Variants in MAP1LC3B2 observed in about 807,000 individuals in gnomAD.
The protein encoded by MAP1LC3B2 is microtubule-associated protein 1 light chain 3 beta 2.
For synonymous variants in MAP1LC3B2, 62 were observed against 57.8 expected, an observed-to-expected ratio of 1.07 and a Z score of -0.33; for missense variants, 155 against 154.6, an observed-to-expected ratio of 1.00 and a Z score of -0.01.
In MAP1LC3B2 at chr12:116,576,076, C is replaced by T. The variant is rs757912630; in HGVS notation, c.134C>T (p.Pro45Leu). ...CGATACAAGGGTGAGAAGCAGCTTC[C>T]TGTTCTGGATAAAACAAAGTTCCTT... ...IERYKGEKQL[P>L]VLDKTKFLVP... Residue 45 changes from proline to leucine, a missense_variant, in exon 2 of 2, where the codon CCT becomes CTT. Pro to Leu is a moderately conservative substitution (Grantham distance 98). Transcript: ENST00000556529. 57 of 1,614,214 alleles carry T rather than the reference C, an allele frequency of 3.5e-5. No individual in the cohort carries two copies. The highest frequency in any genetic ancestry group is 4.7e-5 in the Non-Finnish European group (56 of 1,180,050).
At chr12:116,569,671 C>A (rs560520185) in intron 1 of MAP1LC3B2, among the ~76,000 whole-genome samples, 2 of 151,968 alleles carry the variant, frequency 1.3e-5, no homozygotes, top group Non-Finnish European at 2.9e-5. Flanking sequence ...AGTAGAATGG[C>A]GCTTATATAC....
At chr12:116,569,167 C>A (rs1231675883) in intron 1 of MAP1LC3B2, among the ~76,000 whole-genome samples, 3 of 152,132 alleles carry the variant, frequency 2.0e-5, no homozygotes, top group East Asian at 3.9e-4. Flanking sequence ...CGGCCAATTT[C>A]TTTTCTTTAT....
chr12:116,568,963 C>G (rs915281681), intron 1 of MAP1LC3B2, among the ~76,000 whole-genome samples: 4 of 151,318 alleles, frequency 2.6e-5, no homozygotes, highest in Non-Finnish European at 5.9e-5. Flanking sequence ...GGGTTCACGC[C>G]ATTCTCCTGC....
rs753684098 is a variant in MAP1LC3B2 at position 116,576,163 on chromosome 12, A to G, written c.221A>G (p.Asn74Ser). Residue 74 changes from asparagine (N) to serine (S), a missense_variant, in exon 2 of 2, where the codon AAT (asparagine) becomes AGT (serine). Physicochemically the swap from Asn to Ser is conservative, Grantham distance 46 (BLOSUM62 1). Coordinates refer to ENST00000556529, the MANE Select transcript of MAP1LC3B2 (RefSeq NM_001085481.3). The part of the protein sequence containing the change: ...IKIIRRRLQL[N>S]ANQAFFLLVN... ...ATAATTAGAAGGCGCTTACAGCTCA[A>G]TGCTAATCAGGCCTTCTTCCTGTTG... 18 of 1,614,042 alleles carry G rather than the reference A, an allele frequency of 1.1e-5. No homozygotes were observed. The highest frequency in any genetic ancestry group is 2.2e-5 in the East Asian group (1 of 44,900).
At chr12:116,569,073 AG>A (rs1457239824) in intron 1 of MAP1LC3B2, among the ~76,000 whole-genome samples, 1 of 152,028 alleles carries the variant, frequency 6.6e-6, no homozygotes, top group African/African-American at 2.4e-5. Context: ...GGTGTTAGCC[AG>A]GATGGTCTCG....
At chr12:116,560,228 A>ATATGTATGTATGTATATG (rs1555246749) in intron 1 of MAP1LC3B2, 5 of 111,490 alleles carry the variant, frequency 4.5e-5, no homozygotes, top group African/African-American at 1.8e-4. Flanking sequence ...ATATATATAT[A>ATATGTATGTATGTATATG]TATATATATA....
intron 1 of MAP1LC3B2, among the ~76,000 whole-genome samples, chr12:116,562,023 AGT>A (rs773862438): frequency 6.6e-5 from 6 of 91,182 alleles, no homozygotes; most frequent in Non-Finnish European, 1.5e-4. Flanking sequence ...AGACCTGACC[AGT>A]CAGACTCAGC....
rs71095564 is a variant in MAP1LC3B2 at position 116,571,458 on chromosome 12, C to CTT, written c.-101-4345_-101-4344dup. 1.4e-3 allele frequency among the ~76,000 whole-genome samples: 69 copies of CTT among 48,110 alleles called. 18 individuals are homozygous for CTT. The East Asian group carries it at 0.015, about 10-fold the overall frequency. 31.6% of individuals were successfully genotyped at this position (48,110 alleles called of 152,430 possible). Reference sequence around the variant, plus strand: ...TAGATGGGAGTAAGGGACTGCTGTTCTTTTTTTTTTTTTTTTTTTTTTTTT... The same window carrying CTT: ...TAGATGGGAGTAAGGGACTGCTGTTCTTTTTTTTTTTTTTTTTTTTTTTTTTT... On this transcript the variant is annotated intron_variant, in intron 1 of 1. Coordinates refer to ENST00000556529, the MANE Select transcript of MAP1LC3B2 (RefSeq NM_001085481.3).
chr12:116,564,295 T>C lies in MAP1LC3B2; in HGVS notation c.-102+4862T>C, dbSNP rs182271338. Reference sequence around the variant, plus strand: ...TGTCTAGTAAGTTTTCATTGGATGCTAGACAATGTAGATGCTGTGCAGCTG... The same window carrying C: ...TGTCTAGTAAGTTTTCATTGGATGCCAGACAATGTAGATGCTGTGCAGCTG... On this transcript the variant is annotated intron_variant, in intron 1 of 1. Coordinates refer to ENST00000556529, the MANE Select transcript of MAP1LC3B2 (RefSeq NM_001085481.3). 3.2e-3 allele frequency among the ~76,000 whole-genome samples: 491 copies of C among 152,364 alleles called. 12 individuals are homozygous for C. Among genetic ancestry groups the C allele is most frequent in the Admixed American group, 0.03 (453 of 15,304 alleles).
At position 116,560,201 on chromosome 12, in the gene MAP1LC3B2, T is replaced by TATAC. The variant is rs1257288011; in HGVS notation, c.-102+771_-102+772insCATA. ...AGCTAAGTTTGGCTATATATATATA[T>TATAC]ATATATATATATATATATATATATA... On this transcript the variant is annotated intron_variant, in intron 1 of 1. Coordinates refer to ENST00000556529, the MANE Select transcript of MAP1LC3B2 (RefSeq NM_001085481.3). 5.1e-4 allele frequency: 12 copies of TATAC among 23,526 alleles called. No individual in the cohort carries two copies. The South Asian group carries it at 0.011, about 23-fold the overall frequency. 1.5% of individuals were successfully genotyped at this position (23,526 alleles called of 1,614,324 possible). A position where few individuals can be genotyped will look rare whatever the true frequency, so the allele number is the denominator to read the frequency against.
rs35147598 is a variant in MAP1LC3B2, at chr12:116,571,965, CA to C, written c.-101-3866del. Reference sequence around the variant, plus strand: ...TTGTTTTCTATAGCTATGACCGTTACAAAAAAAAAAAGGGTTAGGGAGAAAC... The same window carrying C: ...TTGTTTTCTATAGCTATGACCGTTACAAAAAAAAAAGGGTTAGGGAGAAAC... On this transcript the variant is annotated intron_variant, in intron 1 of 1. Coordinates refer to ENST00000556529, the MANE Select transcript of MAP1LC3B2 (RefSeq NM_001085481.3). Among the ~76,000 whole-genome samples, 298 of 136,900 alleles carry C rather than the reference CA, an allele frequency of 2.2e-3. 1 individual carries two copies. The highest frequency in any genetic ancestry group is 6.4e-3 in the African/African-American group (236 of 37,030). 89.8% of individuals were successfully genotyped at this position (136,900 alleles called of 152,430 possible).
intron 1 of MAP1LC3B2, among the ~76,000 whole-genome samples, chr12:116,565,436 T>C (rs1271485273): frequency 6.6e-6 from 1 of 152,162 alleles, no homozygotes; most frequent in Non-Finnish European, 1.5e-5. Flanking sequence ...CATTCACACA[T>C]CTTATTCACT....
chr12:116,566,830 C>T (rs780447337), intron 1 of MAP1LC3B2, among the ~76,000 whole-genome samples: 13 of 144,018 alleles, frequency 9.0e-5, no homozygotes, highest in Non-Finnish European at 1.5e-4. Context: ...ACTCAGGAGG[C>T]GGAGGCAGGA....
intron 1 of MAP1LC3B2, among the ~76,000 whole-genome samples, chr12:116,570,282 G>A (rs946468998): frequency 7.9e-5 from 12 of 152,112 alleles, no homozygotes; most frequent in Non-Finnish European, 1.8e-4. Context: ...TGTACTTCAA[G>A]TACCCATACA....
intron 1 of MAP1LC3B2, among the ~76,000 whole-genome samples, chr12:116,562,540 G>A (rs750406907): frequency 5.3e-5 from 8 of 152,222 alleles, no homozygotes; most frequent in African/African-American, 4.8e-5. Context: ...AAGGTAGAAC[G>A]ATGATGTGCT....
rs200364642 is a variant in MAP1LC3B2 at position 116,576,300 on chromosome 12, G to A, written c.358G>A (p.Gly120Arg). 516 of 1,613,984 alleles carry A rather than the reference G, an allele frequency of 3.2e-4. 2 individuals are homozygous for A. The highest frequency in any genetic ancestry group is 4.0e-4 in the Non-Finnish European group (472 of 1,179,988). ...GGTCTGTGCCTCCCAGGAGACGTTCGGGATGAAATTGTCAGTGTAAAACCA... is the reference window on the plus strand; with the variant it reads ...GGTCTGTGCCTCCCAGGAGACGTTCAGGATGAAATTGTCAGTGTAAAACCA... ...YMVCASQETF[G>R]MKLSV Residue 120 changes from glycine (G) to arginine (R), a missense_variant, in exon 2 of 2, where the codon GGG becomes AGG. Gly to Arg is a moderately radical substitution (Grantham distance 125). Coordinates refer to ENST00000556529, the MANE Select transcript of MAP1LC3B2 (RefSeq NM_001085481.3).
At position 116,569,792 on chromosome 12, in the gene MAP1LC3B2, G is replaced by A. The variant is rs530578229; in HGVS notation, c.-101-6050G>A. 1.1e-4 allele frequency among the ~76,000 whole-genome samples: 16 copies of A among 152,180 alleles called. No individual in the cohort carries two copies. In the South Asian group the frequency reaches 2.1e-3, roughly 20 times the overall value. ...GATAACAGGCCAGGCATGGTGGCTC[G>A]CTCCTGTAATCCCAGCACTCTGGCA... On this transcript the variant is annotated intron_variant, in intron 1 of 1. Transcript: ENST00000556529.
chr12:116,575,180 CA>C (rs112848522), intron 1 of MAP1LC3B2, among the ~76,000 whole-genome samples: 787 of 58,962 alleles, frequency 0.013, 2 homozygotes, highest in African/African-American at 0.023. Context: ...AACTCAGTCT[CA>C]AAAAAAAAAA....
intron 1 of MAP1LC3B2, among the ~76,000 whole-genome samples, chr12:116,565,470 C>A (rs1869364978): frequency 6.6e-6 from 1 of 152,206 alleles, no homozygotes; most frequent in East Asian, 1.9e-4. Flanking sequence ...TATGGGGGAG[C>A]CGCCCCCATG....
Sources: gnomAD v4.1 joint callset for allele counts (sites outside exome capture counted in the v4.1 genomes callset) on GRCh38, gnomAD v4.1.1 for gene constraint, MANE v1.5 for transcripts, NCBI Gene and HGNC (gene_info 2026-07-23, HGNC 2026-07-21) for gene names.